Variants in PRKCA observed in about 807,000 individuals in gnomAD.
PRKCA encodes protein kinase C alpha type.
Under a neutral mutation model 87.0 loss-of-function variants are expected in PRKCA, and 27 were observed. The observed-to-expected ratio is 0.31, with a 90% CI of 0.23 to 0.43. The LOEUF is 0.43. PRKCA is among the 20% of genes least tolerant of loss of function. The probability of loss-of-function intolerance (pLI) is 1.00; values close to 1 mark genes in which losing one functional copy is unlikely to be tolerated. For missense variants in PRKCA, 518 were observed against 852.3 expected (o/e 0.61, Z 4.88); for synonymous variants, 329 against 311.1 (o/e 1.06, Z -0.61).
intron 15 of PRKCA, 146 bp downstream of exon 15, chr17:66,787,120 A>G (rs1423960804): frequency 1.3e-6 from 1 of 791,986 alleles, no homozygotes. Flanking sequence ...GCTTGGTGTC[A>G]TGCCCCAAGA....
At chr17:66,660,761 T>C (rs1346568964) in intron 5 of PRKCA, among the ~76,000 whole-genome samples, 1 of 151,694 alleles carries the variant, frequency 6.6e-6, no homozygotes, top group African/African-American at 2.4e-5. Context: ...TACAAAAAAT[T>C]AGCCGGGTGT....
At chr17:66,789,389 G>A (rs117009747) in intron 16 of PRKCA, among the ~76,000 whole-genome samples, 3,400 of 152,310 alleles carry the variant, frequency 0.022, 50 homozygotes, top group Non-Finnish European at 0.03. Flanking sequence ...GCCTGGCACC[G>A]AAGGGAGCTC....
intron 8 of PRKCA, among the ~76,000 whole-genome samples, chr17:66,695,124 C>T (rs1474543987): frequency 6.6e-6 from 1 of 152,164 alleles, no homozygotes; most frequent in Non-Finnish European, 1.5e-5. Context: ...TCCTCTTGTG[C>T]AGAGCCTTTC....
At chr17:66,469,104 T>C (rs1380069082) in intron 2 of PRKCA, among the ~76,000 whole-genome samples, 1 of 152,188 alleles carries the variant, frequency 6.6e-6, no homozygotes, top group Admixed American at 6.5e-5. Context: ...CGAGGCTCCA[T>C]GGCCACAGTT....
At chr17:66,464,053 C>A (rs1914976847) in intron 2 of PRKCA, among the ~76,000 whole-genome samples, 1 of 152,118 alleles carries the variant, frequency 6.6e-6, no homozygotes, top group African/African-American at 2.4e-5. Flanking sequence ...TTCTTCCAAC[C>A]CTTAGCATCC....
At chr17:66,425,252 C>T (rs1567822499) in intron 2 of PRKCA, among the ~76,000 whole-genome samples, 2 of 152,150 alleles carry the variant, frequency 1.3e-5, no homozygotes, top group Admixed American at 6.5e-5. Flanking sequence ...CGCATCCCTG[C>T]GAGACCCTTC....
chr17:66,377,715 A>ATT (rs1909531744), intron 2 of PRKCA, among the ~76,000 whole-genome samples: 1 of 65,696 alleles, frequency 1.5e-5, no homozygotes, highest in African/African-American at 5.3e-5. Context: ...ATATATATAT[A>ATT]TATATATTTT....
chr17:66,783,015 G>GC (rs1241349644), intron 14 of PRKCA, among the ~76,000 whole-genome samples: 3 of 152,184 alleles, frequency 2.0e-5, no homozygotes, highest in African/African-American at 7.2e-5. Flanking sequence ...CTACCCTCAT[G>GC]CCCACGATGC....
chr17:66,349,474 C>T (rs1907603547), intron 2 of PRKCA, among the ~76,000 whole-genome samples: 1 of 152,138 alleles, frequency 6.6e-6, no homozygotes, highest in Non-Finnish European at 1.5e-5. Context: ...AGCTGTTCCG[C>T]AGTAGAGGTT....
At chr17:66,490,003 A>C (rs1179951446) in intron 2 of PRKCA, among the ~76,000 whole-genome samples, 1 of 151,786 alleles carries the variant, frequency 6.6e-6, no homozygotes, top group Non-Finnish European at 1.5e-5. Flanking sequence ...CTGGTCTCAA[A>C]CTCTTGACCT....
intron 2 of PRKCA, among the ~76,000 whole-genome samples, chr17:66,372,830 G>A (rs994588139): frequency 6.6e-6 from 1 of 152,150 alleles, no homozygotes; most frequent in East Asian, 1.9e-4. Flanking sequence ...GCCGAGGCAG[G>A]CAGATCACTT....
chr17:66,749,090 G>A (rs1452318729), intron 13 of PRKCA, among the ~76,000 whole-genome samples: 3 of 149,028 alleles, frequency 2.0e-5, no homozygotes, highest in Non-Finnish European at 3.0e-5. Flanking sequence ...GGACAGGCGG[G>A]TATTAGGTAT....
intron 2 of PRKCA, among the ~76,000 whole-genome samples, chr17:66,441,578 TCTC>T (rs1296730992): frequency 6.6e-6 from 1 of 152,142 alleles, no homozygotes; most frequent in East Asian, 1.9e-4. Flanking sequence ...CAGAGCTGCT[TCTC>T]CTCTTCAGGT....
rs557466546 is a variant in PRKCA, at chr17:66,327,141, C to T, written c.205+21014C>T. ...ATCTCAGCACTTTGGGAGGCAGAGG[C>T]GGGCAGATCATGAGGTCAGGAGAGA... On this transcript the variant is annotated intron_variant, in intron 2 of 16. Coordinates refer to ENST00000413366, the MANE Select transcript of PRKCA (RefSeq NM_002737.3). Among the ~76,000 whole-genome samples the T allele has an allele frequency of 8.6e-4, 130 of 151,870 alleles. 1 individual carries two copies. The highest frequency in any genetic ancestry group is 7.5e-3 in the South Asian group (36 of 4,814).
intron 3 of PRKCA, among the ~76,000 whole-genome samples, chr17:66,592,690 C>T (rs1015349194): frequency 6.6e-6 from 1 of 152,214 alleles, no homozygotes; most frequent in Admixed American, 6.5e-5. Flanking sequence ...TTTAAACTGA[C>T]TCCAATCCTT....
chr17:66,723,194 G>T (rs964201982), intron 8 of PRKCA, among the ~76,000 whole-genome samples: 27 of 152,220 alleles, frequency 1.8e-4, no homozygotes, highest in Admixed American at 7.9e-4. Flanking sequence ...TTAGCCCACA[G>T]AACTCTAGCC....
chr17:66,455,698 A>G (rs928430399), intron 2 of PRKCA, among the ~76,000 whole-genome samples: 2 of 152,156 alleles, frequency 1.3e-5, no homozygotes, highest in Non-Finnish European at 1.5e-5. Flanking sequence ...TCCACTTAAT[A>G]TCTAAGAACA....
At chr17:66,796,147 G>T (rs1274230277) in intron 16 of PRKCA, among the ~76,000 whole-genome samples, 4 of 152,198 alleles carry the variant, frequency 2.6e-5, no homozygotes, top group African/African-American at 7.2e-5. Context: ...GAAATGAACA[G>T]TTAAGTGGTA....
At chr17:66,480,842 T>G (rs1394666494) in intron 2 of PRKCA, among the ~76,000 whole-genome samples, 2 of 152,154 alleles carry the variant, frequency 1.3e-5, no homozygotes, top group Non-Finnish European at 2.9e-5. Flanking sequence ...TGGAACAGCT[T>G]CAGCTTCCTA....
Sources: allele counts gnomAD v4.1 joint callset (sites outside exome capture counted in the v4.1 genomes callset), GRCh38; gene constraint gnomAD v4.1.1; transcripts MANE v1.5; gene names NCBI Gene and HGNC (gene_info 2026-07-23, HGNC 2026-07-21).